DLGAP4: variants seen among roughly 807,000 people sequenced by gnomAD.
The protein encoded by DLGAP4 is disks large-associated protein 4.
Under a neutral mutation model 86.9 loss-of-function variants are expected in DLGAP4, and 18 were observed. The observed-to-expected ratio is 0.21, with a 90% CI of 0.14 to 0.31. The LOEUF is 0.31. Ranked by LOEUF, DLGAP4 falls within the 10% of genes least tolerant of loss-of-function variation. DLGAP4 has a pLI of 1.00. For synonymous variants in DLGAP4, 548 were observed against 574.3 expected (o/e 0.95, Z 0.65); for missense variants, 1,085 against 1,362.6 (o/e 0.80, Z 3.21).
chr20:36,323,810 C>T (rs548926861), intron 1 of DLGAP4, among the ~76,000 whole-genome samples: 5 of 152,300 alleles, frequency 3.3e-5, no homozygotes, highest in African/African-American at 1.2e-4. Context: ...CCCCCGCATG[C>T]GTAGTTCACA....
chr20:36,364,124 A>G (rs1314678819), intron 1 of DLGAP4, among the ~76,000 whole-genome samples: 2 of 152,182 alleles, frequency 1.3e-5, no homozygotes, highest in Non-Finnish European at 2.9e-5. Context: ...TAATTGAGAT[A>G]TAGAAGCTGA....
chr20:36,323,886 G>C (rs781784506), intron 1 of DLGAP4, among the ~76,000 whole-genome samples: 1 of 152,214 alleles, frequency 6.6e-6, no homozygotes, highest in Non-Finnish European at 1.5e-5. Context: ...GAGCTCAGGC[G>C]GTAAAGCTGG....
chr20:36,348,166 A>C (rs2030008292), intron 1 of DLGAP4, among the ~76,000 whole-genome samples: 1 of 152,228 alleles, frequency 6.6e-6, no homozygotes, highest in Non-Finnish European at 1.5e-5. Context: ...GGAAATGTAC[A>C]CTTTATTCTA....
intron 2 of DLGAP4, among the ~76,000 whole-genome samples, chr20:36,396,397 T>G (rs1424159715): frequency 0.092 from 716 of 7,782 alleles, no homozygotes; most frequent in Middle Eastern, 0.17. Flanking sequence ...ACATGCCACA[T>G]ACACACACCA....
chr20:36,420,998 C>T (rs2032809082), intron 2 of DLGAP4, among the ~76,000 whole-genome samples: 1 of 151,696 alleles, frequency 6.6e-6, no homozygotes, highest in South Asian at 2.1e-4. Flanking sequence ...AATTAGTAGC[C>T]GTGCCTGTGG....
chr20:36,438,950 G>A (rs975994522), intron 4 of DLGAP4, among the ~76,000 whole-genome samples: 8 of 152,114 alleles, frequency 5.3e-5, no homozygotes, highest in African/African-American at 1.9e-4. Context: ...AAGGGGCTGA[G>A]CTGGAGGATC....
At chr20:36,523,973 A>G (rs933941620) in intron 10 of DLGAP4, among the ~76,000 whole-genome samples, 1 of 152,162 alleles carries the variant, frequency 6.6e-6, no homozygotes, top group East Asian at 1.9e-4. Flanking sequence ...TCTTAAGACC[A>G]TGATTTATGT....
At chr20:36,380,928 A>G (rs1328364210) in intron 2 of DLGAP4, among the ~76,000 whole-genome samples, 2 of 152,148 alleles carry the variant, frequency 1.3e-5, no homozygotes, top group African/African-American at 4.8e-5. Context: ...CTCTTTTGCC[A>G]GATTTGGACA....
chr20:36,497,331 G>T, intron 8 of DLGAP4: 2 of 1,334,398 alleles, frequency 1.5e-6, no homozygotes, highest in Non-Finnish European at 1.9e-6. Flanking sequence ...GTTACACTCA[G>T]CCAGCCATCT....
intron 12 of DLGAP4, 36 bp downstream of exon 12, chr20:36,526,042 A>G: frequency 6.2e-7 from 1 of 1,612,640 alleles, no homozygotes; most frequent in Non-Finnish European, 8.5e-7. Flanking sequence ...AAGTCCAGGG[A>G]CAAATTCCTG....
At chr20:36,388,866 T>A (rs745640964) in intron 2 of DLGAP4, among the ~76,000 whole-genome samples, 7 of 152,190 alleles carry the variant, frequency 4.6e-5, no homozygotes, top group Non-Finnish European at 7.4e-5. Flanking sequence ...AGAAGAGGTG[T>A]CCAGAGCTGA....
In DLGAP4 at chr20:36,432,801, T is replaced by C. The variant is rs6018661; in HGVS notation, c.999+85T>C. ...GGCCTAGACGTACCACAGATTCACTTGGAAAGTCACTTCATTCTGGGCCTC... is the reference window on the plus strand; with the variant it reads ...GGCCTAGACGTACCACAGATTCACTCGGAAAGTCACTTCATTCTGGGCCTC... On this transcript the variant is annotated intron_variant, in intron 3 of 12. Coordinates refer to ENST00000339266, the MANE Select transcript of DLGAP4 (RefSeq NM_001365621.2). This position sits in a 1 kb window ranked among gnomAD's most constrained non-coding sequence, Gnocchi z 6.5. The C allele has an allele frequency of 2.3e-3, 3,515 of 1,514,312 alleles. 62 individuals are homozygous for C. The African/African-American group carries it at 0.041, about 18-fold the overall frequency. The allele number at this position is 1,514,312 out of a possible 1,614,324, so 93.8% of individuals were successfully genotyped here. A position where few individuals can be genotyped will look rare whatever the true frequency, so the allele number is the denominator to read the frequency against.
At chr20:36,448,886 A>G (rs2033665422) in intron 7 of DLGAP4, among the ~76,000 whole-genome samples, 2 of 152,026 alleles carry the variant, frequency 1.3e-5, no homozygotes, top group African/African-American at 4.8e-5. Flanking sequence ...ATGAGCCAAG[A>G]TTGAGCCACT....
At chr20:36,470,793 G>T (rs993310309) in intron 7 of DLGAP4, among the ~76,000 whole-genome samples, 5 of 152,052 alleles carry the variant, frequency 3.3e-5, no homozygotes, top group Non-Finnish European at 7.4e-5. Flanking sequence ...GTTATTCTTG[G>T]TGGGCACATA....
At chr20:36,457,988 C>A (rs1600558713) in intron 7 of DLGAP4, among the ~76,000 whole-genome samples, 2 of 151,774 alleles carry the variant, frequency 1.3e-5, no homozygotes. Flanking sequence ...GCGCTCCAGG[C>A]GGGGGGTGAG....
intron 4 of DLGAP4, among the ~76,000 whole-genome samples, chr20:36,439,454 C>T (rs535208455): frequency 6.6e-6 from 1 of 152,286 alleles, no homozygotes; most frequent in East Asian, 1.9e-4. Context: ...CTGATAGAAG[C>T]CACTCGAACA....
chr20:36,332,905 C>G (rs2065284290), intron 1 of DLGAP4, among the ~76,000 whole-genome samples: 1 of 152,174 alleles, frequency 6.6e-6, no homozygotes, highest in South Asian at 2.1e-4. Context: ...TCGCCTGCCA[C>G]CATGTATATT....
chr20:36,406,169 C>T (rs527961062), intron 2 of DLGAP4, among the ~76,000 whole-genome samples: 46 of 152,178 alleles, frequency 3.0e-4, no homozygotes, highest in Non-Finnish European at 5.6e-4. Context: ...GAGGCCCAGG[C>T]GGGTGGATCA....
At chr20:36,471,751 C>T (rs2034674391) in intron 7 of DLGAP4, among the ~76,000 whole-genome samples, 1 of 152,172 alleles carries the variant, frequency 6.6e-6, no homozygotes, top group South Asian at 2.1e-4. Flanking sequence ...AGACCAGTTC[C>T]CTGGGTGGGC....
Sources: gnomAD v4.1 joint callset for allele counts (sites outside exome capture counted in the v4.1 genomes callset) on GRCh38, gnomAD v4.1.1 for gene constraint, Gnocchi (gnomAD v3.1) non-coding constraint, MANE v1.5 for transcripts, NCBI Gene and HGNC (gene_info 2026-07-23, HGNC 2026-07-21) for gene names.